ESR1: variants seen among roughly 807,000 people sequenced by gnomAD.
The protein encoded by ESR1 is estrogen receptor.
A neutral mutation model predicts 52.7 loss-of-function variants in ESR1; 12 were observed. The observed-to-expected ratio is 0.23, with a 90% CI of 0.15 to 0.37. The LOEUF (loss-of-function observed/expected upper bound fraction) is 0.37, where lower values mean the gene tolerates loss of function less well. Ranked by LOEUF, ESR1 falls within the 10% of genes least tolerant of loss-of-function variation. The pLI is 1.00. For missense variants in ESR1, 584 were observed against 779.7 expected, an observed-to-expected ratio of 0.75 and a Z score of 2.99; for synonymous variants, 305 against 316.8, an observed-to-expected ratio of 0.96 and a Z score of 0.39.
intron 2 of ESR1, among the ~76,000 whole-genome samples, chr6:151,862,556 T>C (rs912227504): frequency 6.6e-6 from 1 of 152,178 alleles, no homozygotes; most frequent in African/African-American, 2.4e-5. Flanking sequence ...ACCAAGGCCC[T>C]GTAGGACTAA....
At chr6:151,950,368 A>G (rs1416239939) in intron 4 of ESR1, among the ~76,000 whole-genome samples, 1 of 152,126 alleles carries the variant, frequency 6.6e-6, no homozygotes, top group African/African-American at 2.4e-5. Context: ...GGGATTTGGC[A>G]TGGAGAATGT....
intron 3 of ESR1, among the ~76,000 whole-genome samples, chr6:151,899,242 C>T (rs1459408337): frequency 1.4e-5 from 2 of 138,080 alleles, no homozygotes; most frequent in East Asian, 2.3e-4. Flanking sequence ...GGCAGCTGGC[C>T]AGGCGGGGGG....
chr6:152,019,106 A>G (rs1238969161), intron 5 of ESR1, among the ~76,000 whole-genome samples: 1 of 152,218 alleles, frequency 6.6e-6, no homozygotes, highest in Non-Finnish European at 1.5e-5. Context: ...TTTAGGAGAA[A>G]AACTGAGACC....
intron 2 of ESR1, among the ~76,000 whole-genome samples, chr6:151,710,222 G>T: frequency 6.6e-6 from 1 of 150,608 alleles, no homozygotes; most frequent in Admixed American, 6.6e-5. Flanking sequence ...TGGCAAGTTT[G>T]ATGCTCCCTA....
At chr6:151,827,847 T>C (rs1300625511) in intron 1 of ESR1, among the ~76,000 whole-genome samples, 1 of 152,238 alleles carries the variant, frequency 6.6e-6, no homozygotes, top group East Asian at 1.9e-4. Flanking sequence ...ACTATATGTA[T>C]GCACTTCAAA....
chr6:152,129,580 T>C (rs1162127256), exon 7 of ESR1: 2 of 151,010 alleles, frequency 1.3e-5, no homozygotes, highest in Non-Finnish European at 3.0e-5. Flanking sequence ...CTCATAAAAT[T>C]GTCTTCAAAC....
chr6:151,940,534 T>A (rs9371563), intron 3 of ESR1, among the ~76,000 whole-genome samples: 83,197 of 152,020 alleles, frequency 0.55, 24,431 homozygotes, highest in Middle Eastern at 0.73. Context: ...CGTAAATGGG[T>A]GTGGTGGTTC....
intron 3 of ESR1, among the ~76,000 whole-genome samples, chr6:151,911,893 A>AGTG (rs1461478012): frequency 6.6e-6 from 1 of 152,238 alleles, no homozygotes; most frequent in African/African-American, 2.4e-5. Flanking sequence ...TCTGCAAAGC[A>AGTG]GTGTCGGATA....
intron 5 of ESR1, among the ~76,000 whole-genome samples, chr6:152,014,951 C>T (rs899905191): frequency 2.0e-5 from 3 of 152,060 alleles, no homozygotes; most frequent in Non-Finnish European, 4.4e-5. Context: ...CCTGTAATCC[C>T]AGCTACCCGA....
intron 6 of ESR1, among the ~76,000 whole-genome samples, chr6:152,073,119 G>T (rs1220707771): frequency 6.6e-6 from 1 of 152,174 alleles, no homozygotes; most frequent in African/African-American, 2.4e-5. Flanking sequence ...AAATTTGTTA[G>T]CCCCACTTCC....
chr6:151,890,884 T>C (rs1159596098), intron 3 of ESR1, among the ~76,000 whole-genome samples: 1 of 152,210 alleles, frequency 6.6e-6, no homozygotes, highest in African/African-American at 2.4e-5. Context: ...TTCTTAACCA[T>C]GCATTGAATC....
intron 2 of ESR1, among the ~76,000 whole-genome samples, chr6:151,715,636 C>T (rs548611479): frequency 1.3e-5 from 2 of 152,230 alleles, no homozygotes; most frequent in South Asian, 4.2e-4. Context: ...GCTATTGATA[C>T]TTGTGTATGC....
intron 1 of ESR1, among the ~76,000 whole-genome samples, chr6:151,818,320 G>C (rs1218532082): frequency 6.6e-6 from 1 of 152,154 alleles, no homozygotes; most frequent in African/African-American, 2.4e-5. Context: ...GTCTCCTCTA[G>C]TGCCCACACT....
At chr6:152,081,125 C>T (rs967448285) in intron 6 of ESR1, among the ~76,000 whole-genome samples, 2 of 152,100 alleles carry the variant, frequency 1.3e-5, no homozygotes, top group Non-Finnish European at 2.9e-5. Flanking sequence ...CCAAGTGGAC[C>T]CAATAGACAT....
At position 151,742,166 on chromosome 6, in the gene ESR1, C is replaced by T. The variant is rs117237218; in HGVS notation, c.-71+40161C>T. ...ATTTGTCCATTTGTCCATGAATTGT[C>T]ACTTAGGTTGTTTCCATATCTTGGC... On this transcript the variant is annotated intron_variant, in intron 2 of 2. Coordinates refer to the ESR1 transcript ENST00000404742. 7.9e-3 allele frequency among the ~76,000 whole-genome samples: 1,206 copies of T among 152,238 alleles called. 8 individuals are homozygous for T. Among genetic ancestry groups the T allele is most frequent in the Middle Eastern group, 0.014 (4 of 294 alleles).
At chr6:151,955,643 C>G (rs1489469589) in intron 4 of ESR1, among the ~76,000 whole-genome samples, 1 of 152,156 alleles carries the variant, frequency 6.6e-6, no homozygotes, top group Non-Finnish European at 1.5e-5. Context: ...CTGACAGCAT[C>G]TGATAATAAT....
Position 152,114,617 on chromosome 6 carries a change from C to T in ESR1, c.851-10649C>T, listed in dbSNP as rs569029658. 9.9e-5 allele frequency among the ~76,000 whole-genome samples: 15 copies of T among 152,186 alleles called. No homozygotes were observed. The East Asian group carries it at 2.7e-3, about 27-fold the overall frequency. On this transcript the variant is annotated intron_variant, in intron 6 of 6. Transcript: ENST00000427531. ...AATTAAAAAGCAAGTCAAGGCCGGGCGCGGTGGCTCACGCCTGTAATCCCA... is the reference window on the plus strand; with the variant it reads ...AATTAAAAAGCAAGTCAAGGCCGGGTGCGGTGGCTCACGCCTGTAATCCCA...
intron 3 of ESR1, among the ~76,000 whole-genome samples, chr6:151,935,219 A>G (rs920497254): frequency 6.6e-6 from 1 of 152,184 alleles, no homozygotes; most frequent in African/African-American, 2.4e-5. Context: ...CATCATCATC[A>G]TTATTATTAT....
intron 4 of ESR1, among the ~76,000 whole-genome samples, chr6:151,968,796 G>T (rs975796198): frequency 6.6e-6 from 1 of 152,114 alleles, no homozygotes; most frequent in Non-Finnish European, 1.5e-5. Flanking sequence ...CACACCTTCA[G>T]GCTGGTGGGA....
Sources: gnomAD v4.1 joint callset for allele counts (sites outside exome capture counted in the v4.1 genomes callset) on GRCh38, gnomAD v4.1.1 for gene constraint, MANE v1.5 for transcripts, NCBI Gene and HGNC (gene_info 2026-07-23, HGNC 2026-07-21) for gene names.